Variants in HS6ST3 observed in about 807,000 individuals in gnomAD.
HS6ST3 encodes heparan-sulfate 6-O-sulfotransferase 3.
A neutral mutation model predicts 36.7 loss-of-function variants in HS6ST3; 12 were observed. That is an observed-to-expected ratio of 0.33 (90% confidence interval 0.21 to 0.53). The LOEUF is 0.53. HS6ST3 is among the 20% of genes least tolerant of loss of function. The probability of loss-of-function intolerance (pLI) is 0.95; values close to 1 mark genes in which losing one functional copy is unlikely to be tolerated. For synonymous variants in HS6ST3, 240 were observed against 257.5 expected, an observed-to-expected ratio of 0.93 and a Z score of 0.65; for missense variants, 584 against 640.9, an observed-to-expected ratio of 0.91 and a Z score of 0.96.
chr13:96,254,278 G>T (rs1271995687), intron 1 of HS6ST3, among the ~76,000 whole-genome samples: 2 of 151,022 alleles, frequency 1.3e-5, no homozygotes, highest in Admixed American at 6.6e-5. Flanking sequence ...GCTGGGCGTG[G>T]TGTTGCGTGC....
intron 1 of HS6ST3, among the ~76,000 whole-genome samples, chr13:96,810,636 T>C (rs1197637278): frequency 6.6e-6 from 1 of 152,230 alleles, no homozygotes; most frequent in Non-Finnish European, 1.5e-5. Context: ...GTGTCAAAGC[T>C]TGGCTTCTGT....
intron 1 of HS6ST3, among the ~76,000 whole-genome samples, chr13:96,374,894 T>C (rs987801906): frequency 1.8e-4 from 28 of 152,262 alleles, no homozygotes; most frequent in Non-Finnish European, 3.5e-4. Context: ...CTGGCTCAGA[T>C]GCACTGCATT....
At chr13:96,429,996 C>G (rs1403093709) in intron 1 of HS6ST3, among the ~76,000 whole-genome samples, 1 of 152,160 alleles carries the variant, frequency 6.6e-6, no homozygotes, top group Admixed American at 6.5e-5. Context: ...AATATAGGGG[C>G]TCATTCATAG....
At chr13:96,685,171 AAAAC>A (rs1874733963) in intron 1 of HS6ST3, among the ~76,000 whole-genome samples, 1 of 152,078 alleles carries the variant, frequency 6.6e-6, no homozygotes, top group Admixed American at 6.6e-5. Flanking sequence ...CCATGATTTC[AAAAC>A]AAACCAGTGA....
intron 1 of HS6ST3, among the ~76,000 whole-genome samples, chr13:96,544,430 C>A (rs181323915): frequency 6.6e-6 from 1 of 152,186 alleles, no homozygotes; most frequent in African/African-American, 2.4e-5. Context: ...TTGGTAGAAA[C>A]CATGTTGTAC....
chr13:96,408,490 A>T (rs574542877), intron 1 of HS6ST3, among the ~76,000 whole-genome samples: 60 of 152,328 alleles, frequency 3.9e-4, no homozygotes, highest in African/African-American at 8.9e-4. Context: ...CATCATTTGC[A>T]CATATTTGTT....
At chr13:96,813,123 A>G (rs559660523) in intron 1 of HS6ST3, among the ~76,000 whole-genome samples, 1 of 152,332 alleles carries the variant, frequency 6.6e-6, no homozygotes, top group Admixed American at 6.5e-5. Context: ...ATCAAGATCA[A>G]TTTTGCAATT....
intron 1 of HS6ST3, among the ~76,000 whole-genome samples, chr13:96,349,945 T>A (rs1359479122): frequency 6.6e-6 from 1 of 152,188 alleles, no homozygotes; most frequent in Non-Finnish European, 1.5e-5. Context: ...AGGTGGTATC[T>A]GAAGTAAAGA....
At chr13:96,247,853 T>C (rs2054591442) in intron 1 of HS6ST3, among the ~76,000 whole-genome samples, 1 of 152,172 alleles carries the variant, frequency 6.6e-6, no homozygotes, top group Admixed American at 6.5e-5. Context: ...TACTTCAGCA[T>C]ACTCAGTTAA....
chr13:96,483,175 A>C (rs1383509455), intron 1 of HS6ST3, among the ~76,000 whole-genome samples: 1 of 152,186 alleles, frequency 6.6e-6, no homozygotes, highest in East Asian at 1.9e-4. Flanking sequence ...TGATGAATGC[A>C]TTTAACTGTG....
intron 1 of HS6ST3, among the ~76,000 whole-genome samples, chr13:96,823,817 G>C (rs553834396): frequency 6.6e-6 from 1 of 151,830 alleles, no homozygotes. Flanking sequence ...ATAGGGTTTC[G>C]CCATGTTGGC....
intron 1 of HS6ST3, among the ~76,000 whole-genome samples, chr13:96,571,791 A>T (rs187395997): frequency 3.3e-5 from 5 of 152,318 alleles, no homozygotes; most frequent in Admixed American, 2.0e-4. Flanking sequence ...AAAGAGTCAA[A>T]GATAGTTTGT....
chr13:96,382,434 A>T (rs2055345943), intron 1 of HS6ST3, among the ~76,000 whole-genome samples: 1 of 152,226 alleles, frequency 6.6e-6, no homozygotes, highest in Admixed American at 6.5e-5. Context: ...GATTTGGAAG[A>T]TATTGATGGT....
chr13:96,381,728 G>A (rs138949912), intron 1 of HS6ST3, among the ~76,000 whole-genome samples: 48 of 152,250 alleles, frequency 3.2e-4, no homozygotes, highest in Non-Finnish European at 5.4e-4. Flanking sequence ...GGCTAGGATC[G>A]CCTGCTCTGT....
At chr13:96,515,545 A>T (rs1425311481) in intron 1 of HS6ST3, among the ~76,000 whole-genome samples, 1 of 152,114 alleles carries the variant, frequency 6.6e-6, no homozygotes, top group Non-Finnish European at 1.5e-5. Flanking sequence ...TTCTCCTTTC[A>T]TCTTACATGC....
intron 1 of HS6ST3, among the ~76,000 whole-genome samples, chr13:96,744,826 A>T (rs931738849): frequency 3.9e-5 from 6 of 152,070 alleles, no homozygotes; most frequent in African/African-American, 1.4e-4. Context: ...GGCAAATTTT[A>T]AAATGGGCAA....
At chr13:96,133,880 G>A (rs921853465) in intron 1 of HS6ST3, among the ~76,000 whole-genome samples, 2 of 148,144 alleles carry the variant, frequency 1.4e-5, no homozygotes, top group African/African-American at 5.0e-5. Context: ...ACAGTTTCAG[G>A]TCTTACATTT....
intron 1 of HS6ST3, among the ~76,000 whole-genome samples, chr13:96,517,524 C>T (rs1289714753): frequency 6.6e-6 from 1 of 152,168 alleles, no homozygotes; most frequent in Non-Finnish European, 1.5e-5. Context: ...TTTTCCTTGA[C>T]ATAGAAACTT....
chr13:96,430,279 G>A (rs1248398450), intron 1 of HS6ST3, among the ~76,000 whole-genome samples: 2 of 152,172 alleles, frequency 1.3e-5, no homozygotes, highest in Non-Finnish European at 2.9e-5. Context: ...GGTTTCACCA[G>A]TTTGGGGAAT....
Sources: gnomAD v4.1 joint callset for allele counts (sites outside exome capture counted in the v4.1 genomes callset) on GRCh38, gnomAD v4.1.1 for gene constraint, MANE v1.5 for transcripts, NCBI Gene and HGNC (gene_info 2026-07-23, HGNC 2026-07-21) for gene names.